PER3: variants seen among roughly 807,000 people sequenced by gnomAD.
PER3 encodes period circadian protein homolog 3.
Under a neutral mutation model 127.2 loss-of-function variants are expected in PER3, and 107 were observed. That is an observed-to-expected ratio of 0.84 (90% CI 0.72 to 0.99). The LOEUF is 0.99. Ranked by LOEUF, PER3 falls within the 50% of genes least tolerant of loss-of-function variation. PER3 has a pLI of 0.00. For synonymous variants in PER3, 618 were observed against 585.8 expected (o/e 1.05, Z -0.79); for missense variants, 1,560 against 1,525.8 (o/e 1.02, Z -0.37).
At position 7,809,954 on chromosome 1, in the gene PER3, A is replaced by G. The variant is rs779598366; in HGVS notation, c.1304A>G (p.Gln435Arg). The G allele has an allele frequency of 2.2e-5, 36 of 1,614,116 alleles. No homozygotes were observed. Among genetic ancestry groups the G allele is most frequent in the Non-Finnish European group, 3.1e-5 (36 of 1,179,946 alleles). Residue 435 changes from glutamine to arginine, a missense_variant, in exon 12 of 22, where the codon CAG (glutamine) becomes CGG (arginine). By Grantham distance (43) the Gln-to-Arg change is conservative. Coordinates refer to ENST00000377532, the MANE Select transcript of PER3 (RefSeq NM_001377275.1). ...CTGGGGAGCAGCGGGTCGCAGGAGC[A>G]GCTTGTCAGCATCGCCTCCTCCAGT... ...GSLGSSGSQEQLVSIASSSEA... is the reference protein window; with the variant it reads ...GSLGSSGSQERLVSIASSSEA...
At chr1:7,790,049 A>T (rs2097111943) in intron 5 of PER3, among the ~76,000 whole-genome samples, 1 of 152,252 alleles carries the variant, frequency 6.6e-6, no homozygotes, top group African/African-American at 2.4e-5. Flanking sequence ...TGAACAGGAC[A>T]TACACAATAT....
intron 5 of PER3, among the ~76,000 whole-genome samples, chr1:7,791,101 C>T (rs923123360): frequency 2.0e-5 from 3 of 152,216 alleles, no homozygotes; most frequent in African/African-American, 7.2e-5. Flanking sequence ...TCTCACAGCT[C>T]CACTAGGCAG....
chr1:7,844,777 CA>C lies in PER3; in HGVS notation c.*2023del, dbSNP rs1044337195. On this transcript the variant is annotated 3_prime_UTR_variant, in exon 22 of 22. Coordinates refer to ENST00000377532, the MANE Select transcript of PER3 (RefSeq NM_001377275.1). ...GGTTGCACCTGCTGCTGGCGGTGAG[CA>C]GGGGGTTCAGCAGCTTGACCGATGC... 3 of 152,718 alleles carry C rather than the reference CA, an allele frequency of 2.0e-5. No homozygotes were observed. The highest frequency in any genetic ancestry group is 7.2e-5 in the African/African-American group (3 of 41,472). The allele number at this position is 152,718 out of a possible 1,614,324, so 9.5% of individuals were successfully genotyped here. A position where few individuals can be genotyped will look rare whatever the true frequency, so the allele number is the denominator to read the frequency against.
chr1:7,838,121 A>G (rs898107274), intron 21 of PER3, among the ~76,000 whole-genome samples: 1 of 152,134 alleles, frequency 6.6e-6, no homozygotes, highest in Non-Finnish European at 1.5e-5. Context: ...GTGTTAAAGT[A>G]TGATATTAAG....
At chr1:7,794,616 CTT>C (rs1167357088) in intron 6 of PER3, among the ~76,000 whole-genome samples, 2 of 152,002 alleles carry the variant, frequency 1.3e-5, no homozygotes, top group African/African-American at 2.4e-5. Context: ...GTTTTGGGCT[CTT>C]TTTTGTTTAG....
chr1:7,816,188 C>T (rs1025574418), intron 13 of PER3, among the ~76,000 whole-genome samples: 1 of 151,372 alleles, frequency 6.6e-6, no homozygotes, highest in Admixed American at 6.6e-5. Context: ...CAAATTGTTT[C>T]ACAAGTAAGC....
intron 6 of PER3, 90 bp from the exon 7 acceptor site, chr1:7,798,435 A>T: frequency 1.0e-6 from 1 of 1,003,640 alleles, no homozygotes; most frequent in African/African-American, 1.6e-5. Context: ...CTGTCTTGGA[A>T]ATTACCAATA....
In PER3 at chr1:7,820,162, C is replaced by G. The variant is rs771709464; in HGVS notation, c.1706C>G (p.Ser569Cys). 10 of 1,612,384 alleles carry G rather than the reference C, an allele frequency of 6.2e-6. No individual in the cohort carries two copies. In the South Asian group the frequency reaches 1.1e-4, roughly 18 times the overall value. Reference protein sequence around the residue: ...NIPALKRKCISCTNTTSSSSE... With the variant: ...NIPALKRKCICCTNTTSSSSE... ...CCAGCTTTGAAAAGAAAGTGTATCT[C>G]CTGTACAAATACAACTTCTTCCTCC... Residue 569 changes from serine (S) to cysteine (C), a missense_variant, in exon 15 of 22, where the codon TCC (serine) becomes TGC (cysteine). Physicochemically the swap from Ser to Cys is moderately radical, Grantham distance 112. Coordinates refer to ENST00000377532, the MANE Select transcript of PER3 (RefSeq NM_001377275.1).
Position 7,827,256 on chromosome 1 carries a change from A to G in PER3, c.2327A>G (p.Gln776Arg). The G allele has an allele frequency of 1.2e-6, 2 of 1,613,946 alleles. No homozygotes were observed. Among genetic ancestry groups the G allele is most frequent in the Non-Finnish European group, 1.7e-6 (2 of 1,179,932 alleles). Reference protein sequence around the residue: ...GPRRGAHQNAQPCCPSAASSP... With the variant: ...GPRRGAHQNARPCCPSAASSP... ...CGCAGGGGAGCGCATCAGAACGCACAGCCCTGCTGCCCCTCCGCGGCCTCC... is the reference window on the plus strand; with the variant it reads ...CGCAGGGGAGCGCATCAGAACGCACGGCCCTGCTGCCCCTCCGCGGCCTCC... The change falls in exon 18 of 22, where the codon CAG becomes CGG. Residue 776 changes from glutamine (Q) to arginine (R), a missense_variant. By Grantham distance (43) the Gln-to-Arg change is conservative (BLOSUM62 1). Transcript: ENST00000377532.
rs2097083962 is a variant in PER3 at position 7,785,571 on chromosome 1, G to T, written c.259G>T (p.Val87Phe). The part of the protein sequence containing the change: ...LDALNYALRC[V>F]HSVQANSEFF... ...TGCCCTCAACTATGCTCTCCGCTGT[G>T]TCCACAGCGTTCAAGGTAAACAAGC... The change falls in exon 3 of 22, where the codon GTC becomes TTC. Residue 87 changes from valine to phenylalanine, a missense_variant. Val to Phe is a conservative substitution (Grantham distance 50, BLOSUM62 -1). This residue lies in a region of PER3 where 1,332 missense variants were observed against 1,223.6 expected (regional missense o/e 1.09). Coordinates refer to ENST00000377532, the MANE Select transcript of PER3 (RefSeq NM_001377275.1). 6.2e-7 allele frequency: 1 copy of T among 1,612,822 alleles called. No homozygotes were observed. The highest frequency in any genetic ancestry group is 1.3e-5 in the African/African-American group (1 of 74,830).
intron 17 of PER3, 76 bp from the exon 18 acceptor site, chr1:7,827,032 GCTACTTATAA>G (rs1351467796): frequency 2.9e-6 from 3 of 1,036,466 alleles, no homozygotes; most frequent in Non-Finnish European, 4.1e-6. Flanking sequence ...TCATTCGTCA[GCTACTTATAA>G]CTACCTGTAA....
rs539454349 is a variant in PER3 at position 7,784,985 on chromosome 1, A to G, written c.108A>G (p.Lys36=). The G allele has an allele frequency of 1.8e-5, 29 of 1,568,554 alleles. No homozygotes were observed. The African/African-American group carries it at 3.5e-4, about 19-fold the overall frequency. ...GCCCCGAGTTCCATCTGCAGAGGAA[A>G]TTGGCGGACAGCAGCCACAGGTGAC... ...RWSPEFHLQR[K]LADSSHSEQQ... Residue 36 remains lysine (K), a synonymous_variant, in exon 2 of 22, where the codon AAA becomes AAG. Coordinates refer to ENST00000377532, the MANE Select transcript of PER3 (RefSeq NM_001377275.1).
At position 7,815,182 on chromosome 1, in the gene PER3, T is replaced by C. The variant is rs1201597877; in HGVS notation, c.1523-4103T>C. ...AAAACAGCTAGTGGCTGGCATATTT[T>C]AATCCAGCAACATCAGCAATCACTA... On this transcript the variant is annotated intron_variant, in intron 13 of 21. Coordinates refer to ENST00000377532, the MANE Select transcript of PER3 (RefSeq NM_001377275.1). Among the ~76,000 whole-genome samples, 3 of 152,312 alleles carry C rather than the reference T, an allele frequency of 2.0e-5. No individual in the cohort carries two copies. In the East Asian group the frequency reaches 5.8e-4, roughly 29 times the overall value.
chr1:7,822,606 A>G (rs1224054508), intron 16 of PER3, among the ~76,000 whole-genome samples: 2 of 152,250 alleles, frequency 1.3e-5, no homozygotes, highest in African/African-American at 4.8e-5. Context: ...AAGCCAATCA[A>G]TAAAATGCAA....
rs760426052 is a variant in PER3, at chr1:7,826,496, C to G, written c.1974C>G (p.Leu658=). 186 of 1,610,150 alleles carry G rather than the reference C, an allele frequency of 1.2e-4. No individual in the cohort carries two copies. The highest frequency in any genetic ancestry group is 1.4e-4 in the Non-Finnish European group (170 of 1,176,504). Reference sequence around the variant, plus strand: ...CCACCTCAGCCAGGGATGCTACCCTCTTCTGTGAGCCCTGGACCCTGAACA... The same window carrying G: ...CCACCTCAGCCAGGGATGCTACCCTGTTCTGTGAGCCCTGGACCCTGAACA... ...PPPETARDAT[L]FCEPWTLNMQ... is the part of the protein sequence containing the mutation. The change falls in exon 17 of 22, where the codon CTC becomes CTG. Residue 658 remains leucine, a synonymous_variant. Transcript: ENST00000377532. The surrounding 1 kb of genome is among the most constrained non-coding windows in gnomAD (Gnocchi z 4.2).
intron 10 of PER3, 73 bp downstream of exon 10, chr1:7,803,921 C>T: frequency 8.2e-7 from 1 of 1,221,570 alleles, no homozygotes; most frequent in Non-Finnish European, 1.2e-6. Flanking sequence ...TATTGACTGC[C>T]CTCTGACTCA....
chr1:7,793,541 G>A (rs900420820), intron 5 of PER3, among the ~76,000 whole-genome samples: 8 of 152,186 alleles, frequency 5.3e-5, no homozygotes, highest in East Asian at 3.9e-4. Context: ...ATTATATATC[G>A]TATAGCTAAG....
chr1:7,810,720 GATAGCAATAGTA>G (rs1259084914), intron 13 of PER3, 132 bp downstream of exon 13: 3 of 730,430 alleles, frequency 4.1e-6, no homozygotes, highest in Admixed American at 3.4e-5. Context: ...GATTTGCCTA[GATAGCAATAGTA>G]ATAGCAATAG....
intron 9 of PER3, 48 bp downstream of exon 9, chr1:7,803,201 T>G: frequency 8.7e-7 from 1 of 1,142,964 alleles, no homozygotes; most frequent in South Asian, 1.2e-5. Context: ...TCTCATTGAT[T>G]TGTTCTAATT....
Sources: gnomAD v4.1 joint callset for allele counts (sites outside exome capture counted in the v4.1 genomes callset) on GRCh38, gnomAD v4.1.1 for gene constraint, gnomAD v4.1.1 regional missense constraint, Gnocchi (gnomAD v3.1) non-coding constraint, MANE v1.5 for transcripts, NCBI Gene and HGNC (gene_info 2026-07-23, HGNC 2026-07-21) for gene names.